Variants in RAB31 observed in about 807,000 individuals in gnomAD.
The protein encoded by RAB31 is RAB31, member RAS oncogene family.
RAB31 carries 21 observed loss-of-function variants against 25.6 expected under a neutral mutation model. The observed-to-expected ratio is 0.82, with a 90% confidence interval of 0.58 to 1.18. The LOEUF (loss-of-function observed/expected upper bound fraction) is 1.18, where lower values mean the gene tolerates loss of function less well. RAB31 is among the 50% of genes most tolerant of loss of function. The pLI is 0.00. For missense variants in RAB31, 196 were observed against 250.1 expected (o/e 0.78, Z 1.46); for synonymous variants, 87 against 84.0 (o/e 1.04, Z -0.20).
chr18:9,812,048 C>A (rs1378878030), intron 3 of RAB31, among the ~76,000 whole-genome samples: 1 of 152,186 alleles, frequency 6.6e-6, no homozygotes, highest in Non-Finnish European at 1.5e-5. Context: ...TATGCAGATA[C>A]TCGCCTTCTT....
intron 1 of RAB31, among the ~76,000 whole-genome samples, chr18:9,719,260 A>G (rs1336277872): frequency 2.0e-5 from 2 of 100,208 alleles, no homozygotes; most frequent in East Asian, 6.3e-4. Context: ...ACAGAGCAAG[A>G]CTCTGTCTCA....
intron 5 of RAB31, among the ~76,000 whole-genome samples, chr18:9,835,849 A>G (rs1423155001): frequency 1.3e-5 from 2 of 152,180 alleles, no homozygotes; most frequent in Non-Finnish European, 2.9e-5. Flanking sequence ...TGGTTGCCTC[A>G]TCTGTGTGTT....
chr18:9,840,873 A>G (rs2068729871), intron 5 of RAB31, among the ~76,000 whole-genome samples: 1 of 152,188 alleles, frequency 6.6e-6, no homozygotes, highest in Non-Finnish European at 1.5e-5. Context: ...AAAGCACTGT[A>G]CTGTCAAAGG....
intron 6 of RAB31, among the ~76,000 whole-genome samples, chr18:9,854,807 C>T (rs970420712): frequency 2.0e-5 from 3 of 152,184 alleles, no homozygotes; most frequent in African/African-American, 7.2e-5. Flanking sequence ...CTCTACATGG[C>T]TAGAGGCTAA....
intron 1 of RAB31, among the ~76,000 whole-genome samples, chr18:9,746,930 A>T (rs2068208794): frequency 6.6e-6 from 1 of 152,270 alleles, no homozygotes; most frequent in African/African-American, 2.4e-5. Flanking sequence ...GACCTCATCA[A>T]AATTAAAAAC....
intron 1 of RAB31, chr18:9,722,659 T>C (rs1023240117): frequency 1.3e-5 from 2 of 152,166 alleles, no homozygotes; most frequent in African/African-American, 4.8e-5. Flanking sequence ...TCAGGGTCCA[T>C]GAGATTGTTT....
chr18:9,779,825 G>A (rs1298171519), intron 2 of RAB31, among the ~76,000 whole-genome samples: 2 of 152,156 alleles, frequency 1.3e-5, no homozygotes, highest in South Asian at 4.1e-4. Flanking sequence ...TTACACAGGT[G>A]ACTCAACTTT....
chr18:9,732,224 A>C (rs1288104451), intron 1 of RAB31, among the ~76,000 whole-genome samples: 2 of 152,072 alleles, frequency 1.3e-5, no homozygotes, highest in Non-Finnish European at 2.9e-5. Context: ...GTCCAGGGGG[A>C]CGTGGAGTCA....
chr18:9,782,797 A>G (rs1258416200), intron 2 of RAB31, among the ~76,000 whole-genome samples: 3 of 152,160 alleles, frequency 2.0e-5, no homozygotes, highest in Non-Finnish European at 4.4e-5. Context: ...CCCAGGCTCA[A>G]GTGATCCTCC....
At chr18:9,753,791 A>G (rs1183642211) in intron 1 of RAB31, among the ~76,000 whole-genome samples, 1 of 152,184 alleles carries the variant, frequency 6.6e-6, no homozygotes, top group East Asian at 1.9e-4. Context: ...TAATGTGTAA[A>G]ATGGGAACGA....
chr18:9,858,335 A>G (rs1567876014), intron 6 of RAB31, among the ~76,000 whole-genome samples: 1 of 152,234 alleles, frequency 6.6e-6, no homozygotes, highest in Non-Finnish European at 1.5e-5. Context: ...ACTGGGAGCT[A>G]CTAAGGTTAT....
chr18:9,716,028 A>G (rs1224787576), intron 1 of RAB31, among the ~76,000 whole-genome samples: 1 of 152,206 alleles, frequency 6.6e-6, no homozygotes, highest in Non-Finnish European at 1.5e-5. Flanking sequence ...CATATGGTCC[A>G]TGTTCAGATG....
At chr18:9,829,631 G>A (rs527351477) in intron 5 of RAB31, among the ~76,000 whole-genome samples, 1 of 152,338 alleles carries the variant, frequency 6.6e-6, no homozygotes, top group South Asian at 2.1e-4. Flanking sequence ...GTCTTTCACG[G>A]TGGCATGGAA....
intron 2 of RAB31, among the ~76,000 whole-genome samples, chr18:9,775,923 G>A (rs999041793): frequency 2.0e-5 from 3 of 152,016 alleles, no homozygotes; most frequent in Non-Finnish European, 2.9e-5. Context: ...TGAGTAGCTG[G>A]GATTACAGGT....
intron 1 of RAB31, among the ~76,000 whole-genome samples, chr18:9,729,141 A>G (rs1038145091): frequency 6.6e-6 from 1 of 152,188 alleles, no homozygotes; most frequent in African/African-American, 2.4e-5. Context: ...AAAAAATCAT[A>G]CCGATATTTA....
intron 6 of RAB31, among the ~76,000 whole-genome samples, chr18:9,855,703 CT>C (rs2068812538): frequency 1.3e-5 from 2 of 152,280 alleles, no homozygotes; most frequent in East Asian, 3.9e-4. Flanking sequence ...TATGATCTGG[CT>C]TTTCTCTTTC....
chr18:9,836,703 G>A (rs1430745254), intron 5 of RAB31, among the ~76,000 whole-genome samples: 4 of 152,214 alleles, frequency 2.6e-5, no homozygotes, highest in African/African-American at 9.6e-5. Context: ...AACACATGGG[G>A]AGAGTCAGTG....
chr18:9,711,428 A>T (rs1363800892), intron 1 of RAB31, among the ~76,000 whole-genome samples: 1 of 152,206 alleles, frequency 6.6e-6, no homozygotes, highest in East Asian at 1.9e-4. Flanking sequence ...GCTGGAGTGC[A>T]ATGGTGCCAT....
intron 1 of RAB31, among the ~76,000 whole-genome samples, chr18:9,718,621 T>TA (rs2068056079): frequency 6.6e-6 from 1 of 152,244 alleles, no homozygotes; most frequent in African/African-American, 2.4e-5. Context: ...TCAAGTAGTT[T>TA]AGTCTTTTTG....
Sources: gnomAD v4.1 joint callset for allele counts (sites outside exome capture counted in the v4.1 genomes callset) on GRCh38, gnomAD v4.1.1 for gene constraint, MANE v1.5 for transcripts, NCBI Gene and HGNC (gene_info 2026-07-23, HGNC 2026-07-21) for gene names.